The following PTPRD variants were observed in gnomAD, a reference collection of about 807,000 sequenced individuals.
PTPRD encodes the protein protein tyrosine phosphatase receptor type D.
PTPRD carries 34 observed loss-of-function variants against 214.5 expected under a neutral mutation model. That is an observed-to-expected ratio of 0.16 (90% CI 0.12 to 0.21). The LOEUF is 0.21. Among genes scored for constraint, PTPRD ranks in the 10% least tolerant of loss-of-function variants. The pLI is 1.00. For missense variants in PTPRD, 2,545 were observed against 2,398.7 expected (o/e 1.06, Z -1.27); for synonymous variants, 1,128 against 845.7 (o/e 1.33, Z -5.79).
intron 7 of PTPRD, among the ~76,000 whole-genome samples, chr9:9,729,628 A>C (rs1235376987): frequency 6.6e-6 from 1 of 152,120 alleles, no homozygotes; most frequent in Non-Finnish European, 1.5e-5. Flanking sequence ...ATTTTAAATA[A>C]CTTTTTTAAA....
intron 12 of PTPRD, among the ~76,000 whole-genome samples, chr9:8,733,399 G>A (rs923102194): frequency 6.6e-6 from 1 of 152,158 alleles, no homozygotes; most frequent in Non-Finnish European, 1.5e-5. Context: ...AACACGGAAT[G>A]ATCCACAAAA....
chr9:8,474,131 T>C (rs10977143), intron 30 of PTPRD, among the ~76,000 whole-genome samples: 6,169 of 152,238 alleles, frequency 0.041, 422 homozygotes, highest in African/African-American at 0.14. Context: ...GTTTGGGGTT[T>C]CTTTCCTGGC....
At position 10,363,888 on chromosome 9, in the gene PTPRD, A is replaced by G. The variant is rs540475419; in HGVS notation, c.-599-22871T>C. ...TTAGCAAATACTGTTACGATATTTA[A>G]TTGCTTCTGGACACTATTCTAAGTA... On this transcript the variant is annotated intron_variant, in intron 2 of 45. Transcript: ENST00000381196. 7.9e-5 allele frequency among the ~76,000 whole-genome samples: 12 copies of G among 151,662 alleles called. No individual in the cohort carries two copies. The South Asian group carries it at 2.5e-3, about 32-fold the overall frequency.
chr9:8,738,564 A>C (rs571538441), intron 11 of PTPRD, among the ~76,000 whole-genome samples: 62 of 152,256 alleles, frequency 4.1e-4, no homozygotes, highest in Non-Finnish European at 7.2e-4. Context: ...TTAAAAAAAA[A>C]AAATCCAAGA....
At chr9:10,511,746 T>C (rs892382223) in intron 2 of PTPRD, among the ~76,000 whole-genome samples, 11 of 150,798 alleles carry the variant, frequency 7.3e-5, no homozygotes, top group Admixed American at 6.0e-4. Flanking sequence ...AGACATTCTA[T>C]AGTTGTGTAA....
chr9:8,701,328 C>A (rs927383736), intron 12 of PTPRD: 2 of 151,848 alleles, frequency 1.3e-5, no homozygotes, highest in Non-Finnish European at 2.9e-5. Context: ...GTAAATTTCT[C>A]TATGTTAATG....
intron 3 of PTPRD, among the ~76,000 whole-genome samples, chr9:10,185,372 A>G (rs1593453771): frequency 6.6e-6 from 1 of 152,210 alleles, no homozygotes; most frequent in East Asian, 1.9e-4. Context: ...TTCCATTACA[A>G]TGAGAAATTT....
intron 30 of PTPRD, among the ~76,000 whole-genome samples, chr9:8,479,900 T>C (rs529115613): frequency 7.9e-5 from 12 of 152,156 alleles, no homozygotes; most frequent in South Asian, 2.1e-4. Flanking sequence ...TTTTCACCTT[T>C]CTTAAATCTT....
At chr9:10,566,029 G>A (rs2065493991) in intron 2 of PTPRD, among the ~76,000 whole-genome samples, 1 of 151,822 alleles carries the variant, frequency 6.6e-6, no homozygotes, top group Non-Finnish European at 1.5e-5. Context: ...TTATGTTAAT[G>A]GAAACATACT....
At chr9:10,605,712 T>G (rs2079124542) in intron 2 of PTPRD, among the ~76,000 whole-genome samples, 1 of 151,840 alleles carries the variant, frequency 6.6e-6, no homozygotes, top group Non-Finnish European at 1.5e-5. Context: ...AGATTCCTTT[T>G]TCTCTATGGA....
chr9:9,970,754 AAG>A (rs2095052085), intron 4 of PTPRD, among the ~76,000 whole-genome samples: 1 of 152,168 alleles, frequency 6.6e-6, no homozygotes, highest in South Asian at 2.1e-4. Context: ...GCTGAATGGG[AAG>A]GCAGAGCTTC....
intron 11 of PTPRD, among the ~76,000 whole-genome samples, chr9:8,909,055 C>T (rs1479061498): frequency 6.6e-6 from 1 of 151,438 alleles, no homozygotes; most frequent in Non-Finnish European, 1.5e-5. Context: ...AAACTTCAAG[C>T]AAGATACCCA....
Position 9,681,894 on chromosome 9 carries a change from T to C in PTPRD, c.-287+52639A>G, listed in dbSNP as rs867950122. On this transcript the variant is annotated intron_variant, in intron 7 of 45. Coordinates refer to ENST00000381196, the MANE Select transcript of PTPRD (RefSeq NM_002839.4). ...TCTGTTGACAAGAAGAAAGTAATAATGCAGGAAAATCATTTACATTTATAT... is the reference window on the plus strand; with the variant it reads ...TCTGTTGACAAGAAGAAAGTAATAACGCAGGAAAATCATTTACATTTATAT... Among the ~76,000 whole-genome samples, 5 of 151,950 alleles carry C rather than the reference T, an allele frequency of 3.3e-5. No individual in the cohort carries two copies. In the East Asian group the frequency reaches 9.7e-4, roughly 29 times the overall value.
At chr9:10,486,592 T>A (rs1201136309) in intron 2 of PTPRD, among the ~76,000 whole-genome samples, 1 of 152,192 alleles carries the variant, frequency 6.6e-6, no homozygotes, top group African/African-American at 2.4e-5. Flanking sequence ...GTATATTATT[T>A]AACGTCTATT....
intron 11 of PTPRD, among the ~76,000 whole-genome samples, chr9:8,856,184 T>A (rs1286180620): frequency 7.1e-6 from 1 of 140,086 alleles, no homozygotes; most frequent in Non-Finnish European, 1.5e-5. Context: ...ATTATTATAT[T>A]ACATATACAA....
chr9:10,504,137 A>AAAAAAAAAAAAAAAAAG (rs2045039447), intron 2 of PTPRD, among the ~76,000 whole-genome samples: 1 of 146,146 alleles, frequency 6.8e-6, no homozygotes, highest in African/African-American at 2.5e-5. Flanking sequence ...AAAAAAAAAA[A>AAAAAAAAAAAAAAAAAG]AAAAGATGTA....
chr9:10,461,905 A>C lies in PTPRD; in HGVS notation c.-599-120888T>G, dbSNP rs537472831. On this transcript the variant is annotated intron_variant, in intron 2 of 45. Transcript: ENST00000381196. ...CCAAAGTTCTCGGATTACAGGCGTGAATCACCACACCCGGTCTATCTTGCT... is the reference window on the plus strand; with the variant it reads ...CCAAAGTTCTCGGATTACAGGCGTGCATCACCACACCCGGTCTATCTTGCT... Among the ~76,000 whole-genome samples, 21 of 152,316 alleles carry C rather than the reference A, an allele frequency of 1.4e-4. 1 individual carries two copies. The South Asian group carries it at 3.9e-3, about 29-fold the overall frequency.
At chr9:10,501,842 C>T (rs561995163) in intron 2 of PTPRD, among the ~76,000 whole-genome samples, 3 of 152,054 alleles carry the variant, frequency 2.0e-5, no homozygotes, top group East Asian at 3.9e-4. Flanking sequence ...TAGACGAATG[C>T]TTCTCAATTC....
chr9:9,796,777 GA>G (rs1376610385), intron 5 of PTPRD, among the ~76,000 whole-genome samples: 1 of 152,176 alleles, frequency 6.6e-6, no homozygotes, highest in Non-Finnish European at 1.5e-5. Context: ...TGAGGACTGA[GA>G]AAAGGATGCT....
Sources: allele counts gnomAD v4.1 joint callset (sites outside exome capture counted in the v4.1 genomes callset), GRCh38; gene constraint gnomAD v4.1.1; transcripts MANE v1.5; gene names NCBI Gene and HGNC (gene_info 2026-07-23, HGNC 2026-07-21).